The following GCG variants were observed in gnomAD, a reference collection of about 807,000 sequenced individuals.
GCG encodes the protein glucagon.
In GCG, 11 loss-of-function variants were observed where a neutral mutation model predicts 22.8. The ratio of observed to expected loss-of-function variants is 0.48; its 90% CI spans 0.30 to 0.80. The LOEUF (loss-of-function observed/expected upper bound fraction) is 0.80. GCG is among the 30% of genes least tolerant of loss of function. GCG has a pLI of 0.06. For missense variants in GCG, 222 were observed against 222.0 expected (o/e 1.00, Z 0.00); for synonymous variants, 89 against 72.4 (o/e 1.23, Z -1.16).
At position 162,149,320 on chromosome 2, in the gene GCG, T is replaced by C. The variant is rs1424715011; in HGVS notation, c.-9-133A>G. On this transcript the variant is annotated intron_variant, in intron 1 of 5. Transcript: ENST00000418842. ...AAAAAGCTAGTGTTATCACTTTTAT[T>C]CTGATTATATTTTCAGCTTAATTTT... 7.0e-6 allele frequency: 4 copies of C among 573,402 alleles called. 1 individual carries two copies. In the Admixed American group the frequency reaches 1.4e-4, roughly 19 times the overall value. 35.5% of individuals were successfully genotyped at this position (573,402 alleles called of 1,614,324 possible). A position where few individuals can be genotyped will look rare whatever the true frequency, so the allele number is the denominator to read the frequency against.
intron 4 of GCG, chr2:162,144,399 C>T: frequency 2.0e-6 from 1 of 492,398 alleles, no homozygotes; most frequent in Non-Finnish European, 3.6e-6. Flanking sequence ...AATTTCATGC[C>T]CTTTTCAATC....
chr2:162,150,247 C>A (rs1037421335), intron 1 of GCG, among the ~76,000 whole-genome samples: 1 of 152,048 alleles, frequency 6.6e-6, no homozygotes, highest in Non-Finnish European at 1.5e-5. Context: ...CTTTGAGAAG[C>A]GGGCATTTCA....
At chr2:162,144,274 T>A in intron 4 of GCG, 104 bp from the exon 5 acceptor site, 1 of 901,670 alleles carries the variant, frequency 1.1e-6, no homozygotes, top group Non-Finnish European at 1.8e-6. Flanking sequence ...GAGGAAACAG[T>A]AAAGGATTCT....
chr2:162,147,534 G>C lies in GCG; in HGVS notation c.93-20C>G. The C allele has an allele frequency of 1.9e-6, 3 of 1,610,148 alleles. No homozygotes were observed. The highest frequency in any genetic ancestry group is 2.5e-6 in the Non-Finnish European group (3 of 1,176,692). On this transcript the variant is annotated intron_variant, in intron 2 of 5. Transcript: ENST00000418842. ...AATGATCTGTGAAGAACAGTGATTG[G>C]TACAACATAAATCTCTCCTCAAGAG...
chr2:162,151,634 A>G (rs983832092), intron 1 of GCG, among the ~76,000 whole-genome samples: 4 of 152,074 alleles, frequency 2.6e-5, no homozygotes, highest in African/African-American at 9.7e-5. Context: ...GCTTTAATGG[A>G]CTTTGATTTT....
chr2:162,151,269 A>G (rs948069395), intron 1 of GCG, among the ~76,000 whole-genome samples: 1 of 152,104 alleles, frequency 6.6e-6, no homozygotes, highest in African/African-American at 2.4e-5. Context: ...AGAAGACATT[A>G]TGTTCTATCC....
intron 3 of GCG, 30 bp from the exon 4 acceptor site, chr2:162,145,707 A>T: frequency 6.2e-7 from 1 of 1,600,648 alleles, no homozygotes; most frequent in Non-Finnish European, 8.5e-7. Context: ...TAAATTGAAG[A>T]TCTGTCTCTT....
intron 2 of GCG, among the ~76,000 whole-genome samples, chr2:162,147,976 A>G (rs1211684078): frequency 1.3e-5 from 2 of 152,162 alleles, no homozygotes; most frequent in African/African-American, 4.8e-5. Flanking sequence ...GAAGGAAGAC[A>G]ACTAGAAGTT....
In GCG at chr2:162,147,282, A is replaced by G. The variant is rs542901640; in HGVS notation, c.254+71T>C. 19 of 1,127,382 alleles carry G rather than the reference A, an allele frequency of 1.7e-5. No individual in the cohort carries two copies. In the African/African-American group the frequency reaches 2.5e-4, roughly 15 times the overall value. 69.8% of individuals were successfully genotyped at this position (1,127,382 alleles called of 1,614,324 possible). A position where few individuals can be genotyped will look rare whatever the true frequency, so the allele number is the denominator to read the frequency against. On this transcript the variant is annotated intron_variant, in intron 3 of 5. Transcript: ENST00000418842. ...TATTTGACGAGCATAAGAACTTAAT[A>G]ATGTCAAGAGAAATTTTAGACCTAT... is the stretch of plus-strand genomic sequence containing the variant.
chr2:162,143,853 T>C, intron 5 of GCG, 174 bp downstream of exon 5: 1 of 638,808 alleles, frequency 1.6e-6, no homozygotes, highest in Non-Finnish European at 2.8e-6. Context: ...CAAACTGTAA[T>C]GATACAAAAC....
intron 5 of GCG, among the ~76,000 whole-genome samples, 197 bp from the exon 6 acceptor site, chr2:162,143,567 T>C (rs775992182): frequency 6.6e-6 from 1 of 152,192 alleles, no homozygotes; most frequent in Non-Finnish European, 1.5e-5. Context: ...TCATCAATGC[T>C]ATCAAACAAT....
intron 2 of GCG, among the ~76,000 whole-genome samples, chr2:162,147,802 T>C (rs1389585664): frequency 6.6e-6 from 1 of 152,200 alleles, no homozygotes; most frequent in African/African-American, 2.4e-5. Context: ...AATCTACTCA[T>C]GATTATGCTA....
At position 162,145,786 on chromosome 2, in the gene GCG, G is replaced by A; in HGVS notation, c.255-109C>T. On this transcript the variant is annotated intron_variant, in intron 3 of 5. Transcript: ENST00000418842. ...CAGGATTCTATGTAGAAGGGGCTTA[G>A]GGAGTTTAGGAGATGAGGGTTGCTA... The A allele has an allele frequency of 3.8e-6, 3 of 787,956 alleles. 1 individual carries two copies. The South Asian group carries it at 6.1e-5, about 16-fold the overall frequency. 48.8% of individuals were successfully genotyped at this position (787,956 alleles called of 1,614,324 possible). A position where few individuals can be genotyped will look rare whatever the true frequency, so the allele number is the denominator to read the frequency against.
chr2:162,152,117 C>A (rs1239248884), intron 1 of GCG, 41 bp downstream of exon 1: 1 of 152,598 alleles, frequency 6.6e-6, no homozygotes, highest in South Asian at 2.1e-4. Context: ...AAATACTTCA[C>A]TGTCCGCCAA....
At position 162,149,111 on chromosome 2, in the gene GCG, A is replaced by T; in HGVS notation, c.68T>A (p.Leu23His). Residue 23 changes from leucine (L) to histidine (H), a missense_variant, in exon 2 of 6, where the codon CTT becomes CAT. Transcript: ENST00000418842. Reference protein sequence around the residue: ...MLVQGSWQRSLQDTEEKSRSF... With the variant: ...MLVQGSWQRSHQDTEEKSRSF... ...CCTGGATTTCTCCTCTGTGTCTTGA[A>T]GGGAACGTTGCCAGCTGCCTTGTAC... 1 of 1,610,720 alleles carries T rather than the reference A, an allele frequency of 6.2e-7. No individual in the cohort carries two copies. The highest frequency in any genetic ancestry group is 1.7e-4 in the Middle Eastern group (1 of 6,042).
intron 4 of GCG, chr2:162,145,321 G>C (rs1686654059): frequency 4.7e-6 from 2 of 428,960 alleles, no homozygotes; most frequent in African/African-American, 2.1e-5. Flanking sequence ...GCAACTATAA[G>C]GGGATACAAA....
At chr2:162,143,685 A>T (rs908925428) in intron 5 of GCG, among the ~76,000 whole-genome samples, 5 of 152,168 alleles carry the variant, frequency 3.3e-5, no homozygotes, top group African/African-American at 1.2e-4. Flanking sequence ...TATATGCTGC[A>T]TTTCACCTTT....
chr2:162,149,599 C>T (rs1686784729), intron 1 of GCG, among the ~76,000 whole-genome samples: 1 of 152,120 alleles, frequency 6.6e-6, no homozygotes, highest in Non-Finnish European at 1.5e-5. Flanking sequence ...GTCTGGCTTT[C>T]AATTAATAGT....
At position 162,145,530 on chromosome 2, in the gene GCG, A is replaced by G. The variant is rs942911567; in HGVS notation, c.392+10T>C. On this transcript the variant is annotated intron_variant, in intron 4 of 5. Transcript: ENST00000418842. ...GGCAAAAAATGTCAAATAAGAATGTACAGACTTACTCTCGCCTTCCTCGGC... is the reference window on the plus strand; with the variant it reads ...GGCAAAAAATGTCAAATAAGAATGTGCAGACTTACTCTCGCCTTCCTCGGC... 1.9e-6 allele frequency: 3 copies of G among 1,599,898 alleles called. No homozygotes were observed. The highest frequency in any genetic ancestry group is 3.5e-5 in the Admixed American group (2 of 57,450).
Sources: gnomAD v4.1 joint callset for allele counts (sites outside exome capture counted in the v4.1 genomes callset) on GRCh38, gnomAD v4.1.1 for gene constraint, MANE v1.5 for transcripts, NCBI Gene and HGNC (gene_info 2026-07-23, HGNC 2026-07-21) for gene names.